Variants in PCDHGA11 observed in about 807,000 individuals in gnomAD.
PCDHGA11 encodes the protein protocadherin gamma subfamily A, 11, also known as protocadherin gamma-A11.
Under a neutral mutation model 60.4 loss-of-function variants are expected in PCDHGA11, and 39 were observed. The observed-to-expected ratio is 0.65, with a 90% CI of 0.50 to 0.84. PCDHGA11 has a LOEUF of 0.84. Ranked by LOEUF, PCDHGA11 falls within the 40% of genes least tolerant of loss-of-function variation. The pLI is 0.00. For synonymous variants in PCDHGA11, 533 were observed against 510.3 expected, an observed-to-expected ratio of 1.04 and a Z score of -0.60; for missense variants, 1,165 against 1,197.7, an observed-to-expected ratio of 0.97 and a Z score of 0.40.
intron 1 of PCDHGA11, chr5:141,478,242 T>C (rs750487479): frequency 6.2e-7 from 1 of 1,614,156 alleles, no homozygotes; most frequent in Admixed American, 1.7e-5. Context: ...GTGGTCACAG[T>C]GTTCGGAGTA....
chr5:141,438,635 TACACAC>T (rs56854727), intron 1 of PCDHGA11, among the ~76,000 whole-genome samples: 557 of 33,182 alleles, frequency 0.017, 8 homozygotes, highest in South Asian at 0.028. Flanking sequence ...TATATATATA[TACACAC>T]ACACACACAC....
intron 2 of PCDHGA11, among the ~76,000 whole-genome samples, chr5:141,497,977 G>A (rs1368982839): frequency 6.6e-6 from 1 of 152,216 alleles, no homozygotes; most frequent in Admixed American, 6.5e-5. Context: ...CTCGATGTGG[G>A]AGGCCCCTGC....
chr5:141,478,381 C>T (rs931860600), intron 1 of PCDHGA11: 22 of 1,613,664 alleles, frequency 1.4e-5, no homozygotes, highest in Non-Finnish European at 1.8e-5. Flanking sequence ...TGTCGCCGCA[C>T]CTTTACCATC....
chr5:141,475,644 A>C (rs1021491842), intron 1 of PCDHGA11, among the ~76,000 whole-genome samples: 2 of 152,238 alleles, frequency 1.3e-5, no homozygotes, highest in Non-Finnish European at 2.9e-5. Context: ...TCTTGTGATC[A>C]AAGAAAGTGA....
At chr5:141,499,423 GA>G (rs1229901490) in intron 2 of PCDHGA11, among the ~76,000 whole-genome samples, 3 of 151,756 alleles carry the variant, frequency 2.0e-5, no homozygotes, top group Non-Finnish European at 2.9e-5. Flanking sequence ...ATGAAAAATA[GA>G]AAAAAAATTA....
intron 3 of PCDHGA11, 111 bp from the exon 4 acceptor site, chr5:141,510,836 G>C: frequency 6.3e-7 from 1 of 1,584,882 alleles, no homozygotes; most frequent in African/African-American, 1.3e-5. Flanking sequence ...TGCTCAGCGT[G>C]GTCAAGGCCC....
chr5:141,486,409 C>G lies in PCDHGA11; in HGVS notation c.2434-8398C>G, dbSNP rs1396288134. On this transcript the variant is annotated intron_variant, in intron 1 of 3. Coordinates refer to ENST00000398587, the MANE Select transcript of PCDHGA11 (RefSeq NM_018914.3). The surrounding 1 kb of genome is among the most constrained non-coding windows in gnomAD (Gnocchi z 5.0). Reference sequence around the variant, plus strand: ...AGTTCTCCCTGGTGACTGCTGGACCCTTGGATCGAGAGGCCAAATCTAGCT... The same window carrying G: ...AGTTCTCCCTGGTGACTGCTGGACCGTTGGATCGAGAGGCCAAATCTAGCT... 6.2e-7 allele frequency: 1 copy of G among 1,614,170 alleles called. No individual in the cohort carries two copies. Among genetic ancestry groups the G allele is most frequent in the East Asian group, 2.2e-5 (1 of 44,874 alleles).
At chr5:141,501,402 G>A (rs527659990) in intron 2 of PCDHGA11, among the ~76,000 whole-genome samples, 5 of 151,740 alleles carry the variant, frequency 3.3e-5, no homozygotes, top group Non-Finnish European at 7.4e-5. Flanking sequence ...ACAGGCCACT[G>A]CTTGGAAAAT....
intron 1 of PCDHGA11, among the ~76,000 whole-genome samples, chr5:141,458,101 G>C (rs530847477): frequency 3.3e-5 from 5 of 152,200 alleles, no homozygotes; most frequent in Non-Finnish European, 7.4e-5. Flanking sequence ...AGTACTTACA[G>C]ATAGTCTCCA....
At position 141,490,712 on chromosome 5, in the gene PCDHGA11, A is replaced by T; in HGVS notation, c.2434-4095A>T. The stretch of plus-strand genomic sequence containing the variant: ...ACTGGGGATAATGCCCGCCTCACCT[A>T]CTCCATTGTAGGAAATCAGGTTCAG... On this transcript the variant is annotated intron_variant, in intron 1 of 3. Transcript: ENST00000398587. The surrounding 1 kb of genome is among the most constrained non-coding windows in gnomAD (Gnocchi z 5.4). The T allele has an allele frequency of 6.2e-7, 1 of 1,613,686 alleles. No homozygotes were observed. The highest frequency in any genetic ancestry group is 8.5e-7 in the Non-Finnish European group (1 of 1,179,894).
intron 2 of PCDHGA11, among the ~76,000 whole-genome samples, 170 bp from the exon 3 acceptor site, chr5:141,505,223 A>G (rs746167057): frequency 1.9e-4 from 29 of 152,176 alleles, no homozygotes; most frequent in Admixed American, 6.5e-5. Flanking sequence ...GACTTGTGGG[A>G]TTCTGGCTTC....
In PCDHGA11 at chr5:141,489,928, G is replaced by A. The variant is rs752861962; in HGVS notation, c.2434-4879G>A. ...CCGCTCAGGGACCACCCTTATCTCT[G>A]TCATCGTGCTGGACATCAATGATAA... On this transcript the variant is annotated intron_variant, in intron 1 of 3. Transcript: ENST00000398587. The surrounding 1 kb of genome is among the most constrained non-coding windows in gnomAD (Gnocchi z 4.5). 2 of 1,614,206 alleles carry A rather than the reference G, an allele frequency of 1.2e-6. No homozygotes were observed. Among genetic ancestry groups the A allele is most frequent in the Non-Finnish European group, 1.7e-6 (2 of 1,180,038 alleles).
Position 141,432,400 on chromosome 5 carries a change from G to C in PCDHGA11, c.2433+8740G>C, listed in dbSNP as rs139153105. ...ACCCGCCCCTCAGCAGCAACGTGTC[G>C]TTGAGCCTGTTCGTGCTGGACCAGA... is the stretch of plus-strand genomic sequence containing the variant. On this transcript the variant is annotated intron_variant, in intron 1 of 3. Coordinates refer to ENST00000398587, the MANE Select transcript of PCDHGA11 (RefSeq NM_018914.3). This position sits in a 1 kb window ranked among gnomAD's most constrained non-coding sequence, Gnocchi z 6.0. 1.2e-6 allele frequency: 2 copies of C among 1,614,240 alleles called. No individual in the cohort carries two copies. Among genetic ancestry groups the C allele is most frequent in the South Asian group, 2.2e-5 (2 of 91,090 alleles).
rs1230384508 is a variant in PCDHGA11 at position 141,490,990 on chromosome 5, C to T, written c.2434-3817C>T. On this transcript the variant is annotated intron_variant, in intron 1 of 3. Coordinates refer to ENST00000398587, the MANE Select transcript of PCDHGA11 (RefSeq NM_018914.3). The surrounding 1 kb of genome is among the most constrained non-coding windows in gnomAD (Gnocchi z 5.4). ...CCCCCAGCGTCTCCCTCGCTCTGCT[C>T]CTCCTGGCTCCTTGGTCACCAAGGT... 6 of 1,614,102 alleles carry T rather than the reference C, an allele frequency of 3.7e-6. No homozygotes were observed. The highest frequency in any genetic ancestry group is 1.3e-5 in the African/African-American group (1 of 75,064).
chr5:141,425,881 A>T (rs911454948), intron 1 of PCDHGA11, among the ~76,000 whole-genome samples: 1 of 152,230 alleles, frequency 6.6e-6, no homozygotes, highest in Non-Finnish European at 1.5e-5. Flanking sequence ...TCTCTAAGGA[A>T]TCTTCTTTGG....
In PCDHGA11 at chr5:141,465,057, A is replaced by T. The variant is rs1253395484; in HGVS notation, c.2434-29750A>T. 3.3e-5 allele frequency among the ~76,000 whole-genome samples: 5 copies of T among 151,646 alleles called. No homozygotes were observed. The East Asian group carries it at 9.6e-4, about 29-fold the overall frequency. ...ACAAATGACCCTATATATTTTTTTG[A>T]ATTGTCTGTTCATGTCTTATTTTCA... On this transcript the variant is annotated intron_variant, in intron 1 of 3. Coordinates refer to ENST00000398587, the MANE Select transcript of PCDHGA11 (RefSeq NM_018914.3).
rs1206206519 is a variant in PCDHGA11 at position 141,432,127 on chromosome 5, C to G, written c.2433+8467C>G. ...ACCCGCCGGTCTTCCCTCAGGCCTC[C>G]TATTCCGCTTATATCCCAGAGAACA... On this transcript the variant is annotated intron_variant, in intron 1 of 3. Coordinates refer to ENST00000398587, the MANE Select transcript of PCDHGA11 (RefSeq NM_018914.3). The surrounding 1 kb of genome is among the most constrained non-coding windows in gnomAD (Gnocchi z 6.0). The G allele has an allele frequency of 6.8e-6, 11 of 1,614,160 alleles. No homozygotes were observed. The highest frequency in any genetic ancestry group is 8.5e-6 in the Non-Finnish European group (10 of 1,180,032).
chr5:141,427,126 C>T (rs1216633922), intron 1 of PCDHGA11: 1 of 457,282 alleles, frequency 2.2e-6, no homozygotes, highest in Non-Finnish European at 4.4e-6. Context: ...TCTTTCAAAT[C>T]CCTACGAGAT....
chr5:141,429,377 G>T (rs1029180912), intron 1 of PCDHGA11, among the ~76,000 whole-genome samples: 1 of 149,434 alleles, frequency 6.7e-6, no homozygotes, highest in African/African-American at 2.5e-5. Context: ...GAGAAAATGT[G>T]TTTTTTTTTT....
Sources: allele counts gnomAD v4.1 joint callset (sites outside exome capture counted in the v4.1 genomes callset), GRCh38; gene constraint gnomAD v4.1.1; non-coding constraint Gnocchi (gnomAD v3.1); transcripts MANE v1.5; gene names NCBI Gene and HGNC (gene_info 2026-07-23, HGNC 2026-07-21).